NFATC3: variants seen among roughly 807,000 people sequenced by gnomAD.
The protein encoded by NFATC3 is nuclear factor of activated T-cells, cytoplasmic 3.
In NFATC3, 46 loss-of-function variants were observed where a neutral mutation model predicts 98.6. The ratio of observed to expected loss-of-function variants is 0.47; its 90% CI spans 0.37 to 0.60. The LOEUF is 0.60. NFATC3 is among the 20% of genes least tolerant of loss of function. The pLI, the probability that NFATC3 is intolerant of heterozygous loss-of-function variation, is 0.00. For synonymous variants in NFATC3, 512 were observed against 472.2 expected (o/e 1.08, Z -1.09); for missense variants, 1,256 against 1,295.5 (o/e 0.97, Z 0.47).
chr16:68,104,289 T>G (rs944056746), intron 1 of NFATC3, among the ~76,000 whole-genome samples: 4 of 152,242 alleles, frequency 2.6e-5, no homozygotes, highest in African/African-American at 9.6e-5. Context: ...TTTTGGAGGT[T>G]ACTGTAAATA....
At chr16:68,186,523 G>A (rs2040208649) in intron 8 of NFATC3, among the ~76,000 whole-genome samples, 1 of 152,148 alleles carries the variant, frequency 6.6e-6, no homozygotes, top group African/African-American at 2.4e-5. Flanking sequence ...CTGGGTGACA[G>A]AACAAGACTC....
At chr16:68,108,644 T>C (rs529039606) in intron 1 of NFATC3, among the ~76,000 whole-genome samples, 1 of 152,356 alleles carries the variant, frequency 6.6e-6, no homozygotes, top group East Asian at 1.9e-4. Flanking sequence ...GGGAGTAGCA[T>C]TGAATCTATA....
intron 4 of NFATC3, among the ~76,000 whole-genome samples, chr16:68,163,229 G>T (rs1490224989): frequency 1.3e-5 from 2 of 151,910 alleles, no homozygotes; most frequent in Non-Finnish European, 2.9e-5. Context: ...TGTCATCATG[G>T]CCCGTTCTCA....
intron 1 of NFATC3, among the ~76,000 whole-genome samples, chr16:68,110,369 C>T (rs1472160459): frequency 1.4e-5 from 2 of 147,528 alleles, no homozygotes; most frequent in African/African-American, 2.5e-5. Flanking sequence ...AGTACAGTGG[C>T]CCAATCTCGG....
chr16:68,144,247 C>G (rs925775606), intron 3 of NFATC3, among the ~76,000 whole-genome samples: 2 of 152,052 alleles, frequency 1.3e-5, no homozygotes, highest in African/African-American at 2.4e-5. Context: ...TCATTACATA[C>G]CTATTAGAAC....
At chr16:68,186,653 T>A (rs1000509637) in intron 8 of NFATC3, among the ~76,000 whole-genome samples, 6 of 152,230 alleles carry the variant, frequency 3.9e-5, no homozygotes, top group Non-Finnish European at 5.9e-5. Flanking sequence ...ACAAAATTTT[T>A]AAAAAATGGA....
At chr16:68,138,212 G>T (rs1001856368) in intron 3 of NFATC3, among the ~76,000 whole-genome samples, 23 of 151,280 alleles carry the variant, frequency 1.5e-4, no homozygotes, top group Non-Finnish European at 3.1e-4. Context: ...GTTAATTTTT[G>T]TATTTTTAGT....
chr16:68,174,294 C>G (rs2039592739), intron 5 of NFATC3, 80 bp from the exon 6 acceptor site: 2 of 1,144,358 alleles, frequency 1.7e-6, no homozygotes. Context: ...CTTTTTGTAG[C>G]TTGAGTTTGT....
At chr16:68,127,184 G>T (rs1201781888) in intron 3 of NFATC3, among the ~76,000 whole-genome samples, 1 of 152,162 alleles carries the variant, frequency 6.6e-6, no homozygotes, top group South Asian at 2.1e-4. Context: ...CTGCACTCCA[G>T]CCTGGGTGAC....
At chr16:68,212,075 A>G (rs534432721) in intron 9 of NFATC3, among the ~76,000 whole-genome samples, 5 of 152,294 alleles carry the variant, frequency 3.3e-5, no homozygotes, top group African/African-American at 1.2e-4. Context: ...CACATGTTCT[A>G]TACCTTCAAG....
At chr16:68,092,906 C>A (rs915842390) in intron 1 of NFATC3, among the ~76,000 whole-genome samples, 1 of 152,168 alleles carries the variant, frequency 6.6e-6, no homozygotes, top group African/African-American at 2.4e-5. Context: ...TTGTTTCCCC[C>A]CTTCTCTCTG....
intron 5 of NFATC3, among the ~76,000 whole-genome samples, chr16:68,168,081 G>A (rs975853615): frequency 2.6e-5 from 4 of 151,740 alleles, no homozygotes; most frequent in Admixed American, 6.6e-5. Context: ...TGATCCACCC[G>A]CGTTGGCCTC....
intron 3 of NFATC3, among the ~76,000 whole-genome samples, chr16:68,134,721 G>A (rs556943006): frequency 3.0e-4 from 45 of 152,198 alleles, no homozygotes; most frequent in African/African-American, 1.1e-3. Flanking sequence ...TTGGGGGGAT[G>A]GGGGATACCT....
intron 3 of NFATC3, chr16:68,138,609 A>G (rs985106898): frequency 1.6e-6 from 2 of 1,289,220 alleles, no homozygotes; most frequent in Non-Finnish European, 2.0e-6. Flanking sequence ...CAAGATACTT[A>G]ACTACATTAA....
chr16:68,226,098 C>A, intron 9 of NFATC3: 1 of 367,574 alleles, frequency 2.7e-6, no homozygotes, highest in Non-Finnish European at 4.8e-6. Context: ...TTAAACATAC[C>A]TTTAGAGTGA....
intron 7 of NFATC3, 60 bp from the exon 8 acceptor site, chr16:68,183,180 T>G (rs1379377255): frequency 6.6e-7 from 1 of 1,524,344 alleles, no homozygotes; most frequent in Non-Finnish European, 8.8e-7. Flanking sequence ...TGTGATGTGT[T>G]TAACAGGTGC....
chr16:68,164,082 A>G (rs2151589864), intron 4 of NFATC3, among the ~76,000 whole-genome samples: 1 of 152,280 alleles, frequency 6.6e-6, no homozygotes, highest in South Asian at 2.1e-4. Flanking sequence ...GCGAGCCGAG[A>G]TCACGCCACT....
chr16:68,227,365 A>T lies in NFATC3; in HGVS notation c.*894A>T, dbSNP rs934898169. ...TCATCTGGTCGTAGAACCTTTTCCA[A>T]ACAGAAGCATCTGCCTTTGGCTGTT... On this transcript the variant is annotated 3_prime_UTR_variant, in exon 10 of 10. Transcript: ENST00000346183. 1 of 152,006 alleles carries T rather than the reference A, an allele frequency of 6.6e-6. No individual in the cohort carries two copies. The allele number at this position is 152,006 out of a possible 1,614,324, so 9.4% of individuals were successfully genotyped here.
At chr16:68,106,537 G>A (rs9940651) in intron 1 of NFATC3, among the ~76,000 whole-genome samples, 6,130 of 151,788 alleles carry the variant, frequency 0.04, 373 homozygotes, top group African/African-American at 0.13. Context: ...TGATCTGCCC[G>A]CCTCGGCCTC....
Sources: allele counts gnomAD v4.1 joint callset (sites outside exome capture counted in the v4.1 genomes callset), GRCh38; gene constraint gnomAD v4.1.1; transcripts MANE v1.5; gene names NCBI Gene and HGNC (gene_info 2026-07-23, HGNC 2026-07-21).